The following MTNAP1 variants were observed in gnomAD, a reference collection of about 807,000 sequenced individuals.
MTNAP1 encodes mitochondrial nucleoid associated protein 1, also known as mitochondrial nucleoid-associated protein 1.
the MTNAP1 span, chr17:73,248,129 C>T: frequency 1.7e-5 from 4 of 236,092 alleles, no homozygotes; most frequent in Middle Eastern, 1.5e-3. Flanking sequence ...AAAGTTGCCT[C>T]GTGAGGATAC....
the MTNAP1 span, among the ~76,000 whole-genome samples, chr17:73,245,010 A>G: frequency 3.9e-5 from 6 of 152,224 alleles, no homozygotes; most frequent in Admixed American, 6.5e-5. Flanking sequence ...ACATTAATGA[A>G]CAGAGACTGA....
the MTNAP1 span, chr17:73,236,962 C>A: frequency 6.3e-7 from 1 of 1,596,924 alleles, no homozygotes; most frequent in Non-Finnish European, 8.5e-7. Context: ...GAAGCCACAA[C>A]TTATCAGTCC....
chr17:73,247,433 T>C, the MTNAP1 span: 2 of 1,275,004 alleles, frequency 1.6e-6, no homozygotes, highest in Non-Finnish European at 2.3e-6. Context: ...AACACCTAAG[T>C]GTAGTGGTAG....
the MTNAP1 span, chr17:73,242,393 G>A: frequency 7.4e-7 from 1 of 1,354,768 alleles, no homozygotes; most frequent in South Asian, 1.3e-5. Context: ...TGCAGGTTCT[G>A]GGCATTTGGA....
At chr17:73,248,441 G>A in the MTNAP1 span, 43 of 1,489,008 alleles carry the variant, frequency 2.9e-5, no homozygotes, top group Admixed American at 3.9e-5. Context: ...GGTAAAAGTC[G>A]TGTTCTGCCC....
chr17:73,234,889 T>G, the MTNAP1 span, among the ~76,000 whole-genome samples: 1 of 151,822 alleles, frequency 6.6e-6, no homozygotes, highest in African/African-American at 2.4e-5. Flanking sequence ...CATATTCTAT[T>G]TATCACTTTG....
At chr17:73,236,384 C>T in the MTNAP1 span, 38 of 1,614,042 alleles carry the variant, frequency 2.4e-5, no homozygotes, top group Middle Eastern at 8.3e-4. Flanking sequence ...AAAGGACTTA[C>T]CCTGGGAGTA....
At chr17:73,243,964 C>G in the MTNAP1 span, among the ~76,000 whole-genome samples, 1 of 152,138 alleles carries the variant, frequency 6.6e-6, no homozygotes, top group East Asian at 1.9e-4. Context: ...CTTTACACCA[C>G]AAAAGAGAGA....
At chr17:73,236,916 G>A in the MTNAP1 span, 1 of 1,613,614 alleles carries the variant, frequency 6.2e-7, no homozygotes, top group Non-Finnish European at 8.5e-7. Flanking sequence ...TAGGGGTGTT[G>A]CCAGGGAAGC....
At chr17:73,242,984 C>G in the MTNAP1 span, 8 of 1,613,474 alleles carry the variant, frequency 5.0e-6, no homozygotes, top group Non-Finnish European at 5.1e-6. Flanking sequence ...TGTGTTGTAG[C>G]TGGAGTTTCA....
At chr17:73,245,238 A>G in the MTNAP1 span, 1 of 1,610,904 alleles carries the variant, frequency 6.2e-7, no homozygotes, top group Non-Finnish European at 8.5e-7. Context: ...AAGGGCGTAC[A>G]GTGGAGACGA....
the MTNAP1 span, chr17:73,247,947 AT>A: frequency 6.5e-6 from 1 of 154,322 alleles, no homozygotes; most frequent in Non-Finnish European, 1.4e-5. Flanking sequence ...GGTTGGGAAA[AT>A]AATTGAAGAT....
At chr17:73,238,561 C>A in the MTNAP1 span, among the ~76,000 whole-genome samples, 15 of 152,194 alleles carry the variant, frequency 9.9e-5, no homozygotes, top group Non-Finnish European at 1.9e-4. Context: ...ACAGGCCTAA[C>A]GTCTAGACCT....
chr17:73,236,496 G>A, the MTNAP1 span: 16 of 1,614,148 alleles, frequency 9.9e-6, no homozygotes, highest in Non-Finnish European at 1.4e-5. Context: ...TCAACACCAG[G>A]GATTCAGTCA....
the MTNAP1 span, among the ~76,000 whole-genome samples, chr17:73,238,593 CA>C: frequency 9.2e-5 from 14 of 152,186 alleles, no homozygotes; most frequent in African/African-American, 3.4e-4. Context: ...GTTGTAGTCA[CA>C]AAGTCAAGCC....
chr17:73,241,604 G>A, the MTNAP1 span, among the ~76,000 whole-genome samples: 2 of 152,174 alleles, frequency 1.3e-5, no homozygotes, highest in African/African-American at 2.4e-5. Flanking sequence ...AGAAAGTCAC[G>A]CTTTTAGCTG....
the MTNAP1 span, chr17:73,233,461 AG>A: frequency 3.9e-5 from 6 of 152,422 alleles, no homozygotes; most frequent in African/African-American, 1.2e-4. Context: ...TGTTAGCCGA[AG>A]GTCCATGGAC....
At chr17:73,234,953 C>T in the MTNAP1 span, among the ~76,000 whole-genome samples, 3 of 152,182 alleles carry the variant, frequency 2.0e-5, no homozygotes, top group East Asian at 5.8e-4. Flanking sequence ...TGGTAGCTCG[C>T]GCCTGTAATC....
chr17:73,247,444 C>T, the MTNAP1 span: 2 of 1,147,712 alleles, frequency 1.7e-6, no homozygotes, highest in Non-Finnish European at 2.6e-6. Flanking sequence ...GTAGTGGTAG[C>T]ATTAAGGGAT....
Sources: gnomAD v4.1 joint callset for allele counts (sites outside exome capture counted in the v4.1 genomes callset) on GRCh38, gnomAD v4.1.1 for gene constraint, MANE v1.5 for transcripts, NCBI Gene and HGNC (gene_info 2026-07-23, HGNC 2026-07-21) for gene names.